The following LIPC variants were observed in gnomAD, a reference collection of about 807,000 sequenced individuals.
LIPC encodes the protein lipase C, hepatic type, also known as hepatic triacylglycerol lipase.
A neutral mutation model predicts 50.7 loss-of-function variants in LIPC; 44 were observed. That is an observed-to-expected ratio of 0.87 (90% CI 0.68 to 1.11). LIPC has a LOEUF of 1.11. Among genes scored for constraint, LIPC ranks in the 50% most tolerant of loss-of-function variants. The pLI is 0.00. For synonymous variants in LIPC, 271 were observed against 256.4 expected, an observed-to-expected ratio of 1.06 and a Z score of -0.54; for missense variants, 697 against 648.2, an observed-to-expected ratio of 1.08 and a Z score of -0.82.
At chr15:58,497,611 C>G (rs2140827742) in intron 1 of LIPC, 1 of 152,510 alleles carries the variant, frequency 6.6e-6, no homozygotes, top group South Asian at 2.1e-4. Flanking sequence ...CTTCCTGTCT[C>G]TACTGGTACA....
chr15:58,559,534 A>G (rs1894077350), intron 6 of LIPC, among the ~76,000 whole-genome samples: 1 of 152,158 alleles, frequency 6.6e-6, no homozygotes, highest in Non-Finnish European at 1.5e-5. Flanking sequence ...GGCAGTTCTT[A>G]TCAATCAAAT....
intron 2 of LIPC, among the ~76,000 whole-genome samples, chr15:58,540,309 G>A (rs1893277206): frequency 6.6e-6 from 1 of 152,152 alleles, no homozygotes; most frequent in African/African-American, 2.4e-5. Flanking sequence ...AACAACAACT[G>A]CAGTAACGAA....
intron 6 of LIPC, among the ~76,000 whole-genome samples, chr15:58,556,632 T>A (rs1893965825): frequency 6.6e-6 from 1 of 152,220 alleles, no homozygotes; most frequent in Non-Finnish European, 1.5e-5. Context: ...GTAGCCTGTG[T>A]TTTTTTGTTT....
chr15:58,561,779 T>C (rs1387504019), intron 7 of LIPC, among the ~76,000 whole-genome samples: 1 of 152,194 alleles, frequency 6.6e-6, no homozygotes, highest in East Asian at 1.9e-4. Context: ...CTACAAAAAG[T>C]CTGCTTCATC....
At chr15:58,485,911 G>A (rs564351275) in intron 1 of LIPC, among the ~76,000 whole-genome samples, 7 of 152,314 alleles carry the variant, frequency 4.6e-5, no homozygotes, top group Middle Eastern at 3.4e-3. Flanking sequence ...GTGTGAGGAC[G>A]TCGGCAAGGG....
chr15:58,456,859 C>T (rs907155266), intron 1 of LIPC, among the ~76,000 whole-genome samples: 10 of 152,178 alleles, frequency 6.6e-5, no homozygotes, highest in African/African-American at 9.7e-5. Flanking sequence ...CTTTACCATG[C>T]GTAGAATGGG....
At chr15:58,453,859 C>T (rs1894009248) in intron 1 of LIPC, among the ~76,000 whole-genome samples, 2 of 149,136 alleles carry the variant, frequency 1.3e-5, no homozygotes, top group Admixed American at 6.7e-5. Flanking sequence ...ACAGCAAGAC[C>T]CTGTCTCAAA....
intron 1 of LIPC, among the ~76,000 whole-genome samples, chr15:58,477,553 A>T (rs1891041874): frequency 6.6e-6 from 1 of 152,206 alleles, no homozygotes; most frequent in Non-Finnish European, 1.5e-5. Context: ...GTACAAAACA[A>T]CACAGAGGAA....
At chr15:58,503,476 C>G (rs1202316936) in intron 1 of LIPC, among the ~76,000 whole-genome samples, 1 of 152,168 alleles carries the variant, frequency 6.6e-6, no homozygotes, top group Non-Finnish European at 1.5e-5. Flanking sequence ...ATTGGCAGGA[C>G]TCTGGGAGAT....
chr15:58,548,310 C>T lies in LIPC; in HGVS notation c.809-20C>T, dbSNP rs1893608199. On this transcript the variant is annotated intron_variant, in intron 5 of 8. Coordinates refer to ENST00000299022, the MANE Select transcript of LIPC (RefSeq NM_000236.3). ...CTTTGGGTTAAGGGGTGATAACGTC[C>T]TTCTTGCCCTGTGTTCCAGCCATCA... 6.2e-7 allele frequency: 1 copy of T among 1,613,840 alleles called. No homozygotes were observed. The highest frequency in any genetic ancestry group is 1.1e-5 in the South Asian group (1 of 91,044).
At chr15:58,553,389 C>T (rs1183050724) in intron 6 of LIPC, among the ~76,000 whole-genome samples, 1 of 152,162 alleles carries the variant, frequency 6.6e-6, no homozygotes, top group Non-Finnish European at 1.5e-5. Flanking sequence ...TGAGCCCAGG[C>T]GTTCCAAACC....
At chr15:58,491,868 C>T (rs538002510) in intron 1 of LIPC, among the ~76,000 whole-genome samples, 2 of 152,318 alleles carry the variant, frequency 1.3e-5, no homozygotes, top group South Asian at 2.1e-4. Context: ...CACTGCCTGC[C>T]ACGTGATTCC....
intron 1 of LIPC, among the ~76,000 whole-genome samples, chr15:58,507,916 T>C (rs1333936266): frequency 1.3e-5 from 2 of 152,136 alleles, no homozygotes; most frequent in African/African-American, 4.8e-5. Flanking sequence ...ACGAGTGGAC[T>C]TGGGGAACTT....
chr15:58,551,236 C>A (rs1212350500), intron 6 of LIPC, among the ~76,000 whole-genome samples: 2 of 152,132 alleles, frequency 1.3e-5, no homozygotes, highest in Non-Finnish European at 2.9e-5. Flanking sequence ...GTTTCACTTG[C>A]TAGTGGAAAG....
chr15:58,436,549 AT>A, intron 1 of LIPC: 1 of 290,662 alleles, frequency 3.4e-6, no homozygotes, highest in Non-Finnish European at 6.9e-6. Flanking sequence ...AGTAGTGATG[AT>A]TGCTGATTTT....
chr15:58,559,917 C>A (rs1301639181), intron 6 of LIPC, among the ~76,000 whole-genome samples: 1 of 152,100 alleles, frequency 6.6e-6, no homozygotes, highest in Non-Finnish European at 1.5e-5. Context: ...CAAACACCAT[C>A]TAGGGTGAGG....
rs770595104 is a variant in LIPC at position 58,563,739 on chromosome 15, A to T, written c.1388+16A>T. The T allele has an allele frequency of 2.5e-6, 4 of 1,605,036 alleles. No individual in the cohort carries two copies. The highest frequency in any genetic ancestry group is 3.4e-6 in the Non-Finnish European group (4 of 1,174,452). Reference sequence around the variant, plus strand: ...CCCAGCAAAGGTGACTGCTGATTCAATCTCCTATTAACGTCCATTAAGCAC... The same window carrying T: ...CCCAGCAAAGGTGACTGCTGATTCATTCTCCTATTAACGTCCATTAAGCAC... On this transcript the variant is annotated intron_variant, in intron 8 of 8. Coordinates refer to ENST00000299022, the MANE Select transcript of LIPC (RefSeq NM_000236.3).
rs569028093 is a variant in LIPC at position 58,544,732 on chromosome 15, G to A, written c.575-1010G>A. ...TTCATTTGTCACTGTGGGTAGGGCTGGAGAACGGGTGATCTCACGGCTCAC... is the reference window on the plus strand; with the variant it reads ...TTCATTTGTCACTGTGGGTAGGGCTAGAGAACGGGTGATCTCACGGCTCAC... On this transcript the variant is annotated intron_variant, in intron 4 of 8. Coordinates refer to ENST00000299022, the MANE Select transcript of LIPC (RefSeq NM_000236.3). Among the ~76,000 whole-genome samples, 60 of 152,300 alleles carry A rather than the reference G, an allele frequency of 3.9e-4. No homozygotes were observed. The South Asian group carries it at 5.6e-3, about 14-fold the overall frequency.
chr15:58,565,637 T>C (rs1209309934), intron 8 of LIPC: 5 of 1,043,660 alleles, frequency 4.8e-6, no homozygotes, highest in Non-Finnish European at 5.8e-6. Context: ...CCAGTCCAGA[T>C]TTGACTGGGA....
Sources: gnomAD v4.1 joint callset for allele counts (sites outside exome capture counted in the v4.1 genomes callset) on GRCh38, gnomAD v4.1.1 for gene constraint, MANE v1.5 for transcripts, NCBI Gene and HGNC (gene_info 2026-07-23, HGNC 2026-07-21) for gene names.